NUDCD1: variants seen among roughly 807,000 people sequenced by gnomAD.
NUDCD1 encodes NudC domain containing 1, also known as nudC domain-containing protein 1.
A neutral mutation model predicts 67.8 loss-of-function variants in NUDCD1; 60 were observed. The observed-to-expected ratio is 0.88, with a 90% CI of 0.72 to 1.10. NUDCD1 has a LOEUF of 1.10. NUDCD1 is among the 50% of genes least tolerant of loss of function. NUDCD1 has a pLI of 0.00. For synonymous variants in NUDCD1, 244 were observed against 230.8 expected (o/e 1.06, Z -0.52); for missense variants, 643 against 695.0 (o/e 0.93, Z 0.84).
intron 1 of NUDCD1, among the ~76,000 whole-genome samples, chr8:109,333,431 C>A (rs550776490): frequency 6.6e-6 from 1 of 152,180 alleles, no homozygotes; most frequent in East Asian, 1.9e-4. Flanking sequence ...AATGCTATGA[C>A]TGGAATGTAG....
chr8:109,301,785 A>T (rs949281399), intron 2 of NUDCD1, among the ~76,000 whole-genome samples: 3 of 152,056 alleles, frequency 2.0e-5, no homozygotes, highest in South Asian at 4.1e-4. Context: ...TTATCCATGG[A>T]CCCAAAACTC....
intron 2 of NUDCD1, among the ~76,000 whole-genome samples, chr8:109,306,164 T>C (rs182309206): frequency 9.7e-4 from 147 of 152,298 alleles, no homozygotes; most frequent in Admixed American, 3.5e-3. Flanking sequence ...TACACTTTTC[T>C]TCCAAACTAT....
chr8:109,257,820 A>C (rs537020135), intron 8 of NUDCD1, among the ~76,000 whole-genome samples: 73 of 152,250 alleles, frequency 4.8e-4, no homozygotes, highest in African/African-American at 1.7e-3. Context: ...AAGTAGCCAT[A>C]GATAGCATAT....
chr8:109,323,067 G>A lies in NUDCD1; in HGVS notation c.119-604C>T, dbSNP rs1287957181. The stretch of plus-strand genomic sequence containing the variant: ...CAGAGATTTCTTCACTTAAGCATTA[G>A]CTGCTTCCCTAGGTTTAAATCTAGC... On this transcript the variant is annotated intron_variant, in intron 1 of 9. Coordinates refer to ENST00000239690, the MANE Select transcript of NUDCD1 (RefSeq NM_032869.4). 2.0e-5 allele frequency among the ~76,000 whole-genome samples: 3 copies of A among 152,280 alleles called. No individual in the cohort carries two copies. In the East Asian group the frequency reaches 5.8e-4, roughly 29 times the overall value.
intron 1 of NUDCD1, among the ~76,000 whole-genome samples, chr8:109,330,625 G>T (rs1401126115): frequency 6.6e-6 from 1 of 152,128 alleles, no homozygotes; most frequent in African/African-American, 2.4e-5. Flanking sequence ...AGAGTCTGAG[G>T]TAAGCTTTTC....
At chr8:109,291,113 G>A (rs10112658) in intron 4 of NUDCD1, among the ~76,000 whole-genome samples, 1 of 152,146 alleles carries the variant, frequency 6.6e-6, no homozygotes, top group Non-Finnish European at 1.5e-5. Context: ...ACCGGATTCC[G>A]TGGTTAAATA....
chr8:109,310,577 G>A (rs1408027739), intron 2 of NUDCD1, among the ~76,000 whole-genome samples: 1 of 152,156 alleles, frequency 6.6e-6, no homozygotes, highest in Non-Finnish European at 1.5e-5. Context: ...TCATGACCAA[G>A]AACCCAAAAA....
intron 8 of NUDCD1, among the ~76,000 whole-genome samples, chr8:109,262,426 T>G (rs1352843751): frequency 6.6e-6 from 1 of 152,192 alleles, no homozygotes; most frequent in African/African-American, 2.4e-5. Context: ...GTTCCTATTG[T>G]TGGTGCCAAA....
intron 5 of NUDCD1, among the ~76,000 whole-genome samples, chr8:109,286,870 C>T (rs1042558391): frequency 1.3e-5 from 2 of 151,976 alleles, no homozygotes; most frequent in African/African-American, 4.8e-5. Flanking sequence ...AACTACGCAC[C>T]CAACAGAAGT....
intron 8 of NUDCD1, among the ~76,000 whole-genome samples, chr8:109,247,466 A>T (rs1237877555): frequency 6.6e-6 from 1 of 152,196 alleles, no homozygotes; most frequent in Non-Finnish European, 1.5e-5. Flanking sequence ...ACCAAGGGAG[A>T]TCAATCATGA....
At chr8:109,253,896 T>G (rs919042846) in intron 8 of NUDCD1, among the ~76,000 whole-genome samples, 1 of 152,010 alleles carries the variant, frequency 6.6e-6, no homozygotes, top group African/African-American at 2.4e-5. Flanking sequence ...TAATTTGAAG[T>G]GGAAAACAGG....
chr8:109,254,127 ATG>A (rs1175794653), intron 8 of NUDCD1, among the ~76,000 whole-genome samples: 14 of 152,340 alleles, frequency 9.2e-5, no homozygotes, highest in African/African-American at 2.9e-4. Flanking sequence ...CTTTGGGTAC[ATG>A]CACTGCCAGA....
intron 9 of NUDCD1, among the ~76,000 whole-genome samples, chr8:109,244,044 A>G (rs990029403): frequency 6.6e-6 from 1 of 152,130 alleles, no homozygotes; most frequent in African/African-American, 2.4e-5. Context: ...TTAGATAGTG[A>G]CATGGTTAGC....
intron 2 of NUDCD1, among the ~76,000 whole-genome samples, chr8:109,314,638 C>T (rs1047575410): frequency 2.0e-5 from 3 of 152,054 alleles, no homozygotes; most frequent in East Asian, 3.8e-4. Flanking sequence ...CCATCCCCAA[C>T]CCCCCAAATC....
chr8:109,309,527 A>T (rs969622488), intron 2 of NUDCD1, among the ~76,000 whole-genome samples: 2 of 152,202 alleles, frequency 1.3e-5, no homozygotes, highest in Non-Finnish European at 2.9e-5. Context: ...CAAAGTTGAA[A>T]GCATTCCCTC....
intron 4 of NUDCD1, among the ~76,000 whole-genome samples, chr8:109,292,484 T>C (rs1234753638): frequency 6.6e-6 from 1 of 152,138 alleles, no homozygotes; most frequent in Non-Finnish European, 1.5e-5. Flanking sequence ...AAACAAATAC[T>C]AACAGTCTTT....
At chr8:109,333,100 T>C (rs778288653) in intron 1 of NUDCD1, among the ~76,000 whole-genome samples, 1 of 152,262 alleles carries the variant, frequency 6.6e-6, no homozygotes, top group African/African-American at 2.4e-5. Flanking sequence ...TAAATATTTC[T>C]GAATTTAATA....
At chr8:109,309,890 C>A (rs1003778351) in intron 2 of NUDCD1, among the ~76,000 whole-genome samples, 7 of 149,882 alleles carry the variant, frequency 4.7e-5, no homozygotes, top group East Asian at 3.9e-4. Context: ...AACAAACAAA[C>A]AAAAAAAACC....
intron 2 of NUDCD1, among the ~76,000 whole-genome samples, chr8:109,320,363 T>C (rs1332164311): frequency 2.0e-5 from 3 of 152,306 alleles, no homozygotes; most frequent in East Asian, 1.9e-4. Context: ...CTCAGGGATG[T>C]TCCATGCTGA....
Sources: gnomAD v4.1 joint callset for allele counts (sites outside exome capture counted in the v4.1 genomes callset) on GRCh38, gnomAD v4.1.1 for gene constraint, MANE v1.5 for transcripts, NCBI Gene and HGNC (gene_info 2026-07-23, HGNC 2026-07-21) for gene names.